PLD1: variants seen among roughly 807,000 people sequenced by gnomAD.
PLD1 encodes the protein choline phosphatase 1.
PLD1 carries 112 observed loss-of-function variants against 137.1 expected under a neutral mutation model. The observed-to-expected ratio is 0.82, with a 90% CI of 0.70 to 0.96. The LOEUF (loss-of-function observed/expected upper bound fraction) is 0.96. PLD1 is among the 40% of genes least tolerant of loss of function. The pLI is 0.00. For synonymous variants in PLD1, 431 were observed against 454.7 expected (o/e 0.95, Z 0.66); for missense variants, 1,321 against 1,342.0 (o/e 0.98, Z 0.24).
intron 1 of PLD1, among the ~76,000 whole-genome samples, chr3:171,790,308 C>CA (rs1258033515): frequency 6.6e-6 from 1 of 152,014 alleles, no homozygotes; most frequent in African/African-American, 2.4e-5. Flanking sequence ...TTGAGGAAGC[C>CA]AATTCCTTGT....
In PLD1 at chr3:171,600,528, A is replaced by T. The variant is rs1237557704; in HGVS notation, c.*2550T>A. The T allele has an allele frequency of 6.6e-6, 1 of 152,228 alleles. No homozygotes were observed. Among genetic ancestry groups the T allele is most frequent in the South Asian group, 2.1e-4 (1 of 4,834 alleles). 9.4% of individuals were successfully genotyped at this position (152,228 alleles called of 1,614,324 possible). Reference sequence around the variant, plus strand: ...AAAGTTTATCAGATATTGCAATGTTAAAGATAAATTATTTGAACTTCTAGT... The same window carrying T: ...AAAGTTTATCAGATATTGCAATGTTTAAGATAAATTATTTGAACTTCTAGT... On this transcript the variant is annotated 3_prime_UTR_variant, in exon 27 of 27. Coordinates refer to ENST00000351298, the MANE Select transcript of PLD1 (RefSeq NM_002662.5).
intron 19 of PLD1, among the ~76,000 whole-genome samples, chr3:171,673,468 A>G (rs972263854): frequency 6.6e-6 from 1 of 152,022 alleles, no homozygotes; most frequent in South Asian, 2.1e-4. Context: ...TTTAGTAGAG[A>G]CAGGGTTGGC....
intron 11 of PLD1, among the ~76,000 whole-genome samples, chr3:171,704,961 G>A (rs1399727041): frequency 6.6e-6 from 1 of 152,176 alleles, no homozygotes; most frequent in African/African-American, 2.4e-5. Flanking sequence ...TCACAATAGG[G>A]TTCATGTTCC....
chr3:171,687,360 C>T lies in PLD1; in HGVS notation c.1753+11G>A, dbSNP rs776419253. ...TAGTTAAGATAAATTCTAGTCAAGG[C>T]CATGACTTACTGGAGGTGCTGTCAA... is the stretch of plus-strand genomic sequence containing the variant. On this transcript the variant is annotated intron_variant, in intron 15 of 26. Transcript: ENST00000351298. 8.7e-6 allele frequency: 14 copies of T among 1,610,004 alleles called. No homozygotes were observed. Among genetic ancestry groups the T allele is most frequent in the Middle Eastern group, 1.6e-4 (1 of 6,076 alleles).
chr3:171,740,595 A>G (rs1719708395), intron 1 of PLD1, among the ~76,000 whole-genome samples: 1 of 152,200 alleles, frequency 6.6e-6, no homozygotes, highest in Non-Finnish European at 1.5e-5. Context: ...TGATCTTAAA[A>G]ATGCCTGTTA....
At chr3:171,698,654 A>C (rs1325131105) in intron 12 of PLD1, among the ~76,000 whole-genome samples, 1 of 152,094 alleles carries the variant, frequency 6.6e-6, no homozygotes, top group African/African-American at 2.4e-5. Context: ...TAGCATGTTT[A>C]ATGACAGAAT....
At chr3:171,687,701 C>T (rs1714722698) in intron 14 of PLD1, 117 bp from the exon 15 acceptor site, 2 of 675,504 alleles carry the variant, frequency 3.0e-6, no homozygotes, top group South Asian at 1.9e-5. Context: ...CTATAACAGA[C>T]ATGCAATAAT....
At chr3:171,676,570 C>T (rs560572082) in intron 18 of PLD1, 145 bp downstream of exon 18, 16 of 683,628 alleles carry the variant, frequency 2.3e-5, no homozygotes, top group East Asian at 5.1e-5. Context: ...CCCAGGCACC[C>T]GGACATCAAT....
intron 1 of PLD1, chr3:171,809,115 G>C (rs1345559912): frequency 6.6e-6 from 1 of 152,072 alleles, no homozygotes; most frequent in Non-Finnish European, 1.5e-5. Flanking sequence ...GTGAGTCACC[G>C]CGCCCAGGCA....
At chr3:171,636,521 T>C (rs758799143) in intron 23 of PLD1, among the ~76,000 whole-genome samples, 3 of 152,166 alleles carry the variant, frequency 2.0e-5, no homozygotes, top group Non-Finnish European at 4.4e-5. Flanking sequence ...TTTAATTCTT[T>C]TGATGCTATT....
chr3:171,776,314 C>T (rs1222143991), intron 1 of PLD1, among the ~76,000 whole-genome samples: 1 of 152,196 alleles, frequency 6.6e-6, no homozygotes, highest in Non-Finnish European at 1.5e-5. Context: ...AGAACCTGAT[C>T]GCAAGAGGTG....
chr3:171,654,235 G>A (rs1160296090), intron 21 of PLD1: 1 of 298,678 alleles, frequency 3.3e-6, no homozygotes, highest in Non-Finnish European at 6.7e-6. Context: ...CCCGGGAGAT[G>A]GAGGTTGCAG....
At chr3:171,697,815 G>T (rs542621393) in intron 12 of PLD1, among the ~76,000 whole-genome samples, 3 of 152,032 alleles carry the variant, frequency 2.0e-5, no homozygotes, top group Non-Finnish European at 2.9e-5. Context: ...CCATTAAATC[G>T]GGGCATTGTT....
intron 21 of PLD1, among the ~76,000 whole-genome samples, chr3:171,654,977 ATTG>A (rs1021958044): frequency 6.6e-6 from 1 of 152,106 alleles, no homozygotes; most frequent in African/African-American, 2.4e-5. Context: ...GCTTAGGGGA[ATTG>A]TTGTGAGGCT....
At chr3:171,808,972 G>C (rs1431658226) in intron 1 of PLD1, among the ~76,000 whole-genome samples, 1 of 151,900 alleles carries the variant, frequency 6.6e-6, no homozygotes, top group Non-Finnish European at 1.5e-5. Flanking sequence ...TTACAGGCGT[G>C]TGCCACCACG....
chr3:171,701,582 T>C (rs940338565), intron 11 of PLD1, among the ~76,000 whole-genome samples: 5 of 152,236 alleles, frequency 3.3e-5, no homozygotes, highest in African/African-American at 1.2e-4. Context: ...TACAAGATAC[T>C]TTGAAGAATC....
At chr3:171,629,539 G>C (rs1734466997) in intron 23 of PLD1, among the ~76,000 whole-genome samples, 1 of 152,150 alleles carries the variant, frequency 6.6e-6, no homozygotes, top group African/African-American at 2.4e-5. Flanking sequence ...AACCAAAAAA[G>C]AGCCCGCATT....
chr3:171,682,175 AAAGAAAGAAAGAAAGG>A, intron 16 of PLD1, among the ~76,000 whole-genome samples: 1 of 143,598 alleles, frequency 7.0e-6, no homozygotes, highest in Admixed American at 6.9e-5. Flanking sequence ...AAAAAGAAAG[AAAGAAAGAAAGAAAGG>A]GAATAAAATT....
chr3:171,809,720 A>G (rs188130814), intron 1 of PLD1: 11 of 152,412 alleles, frequency 7.2e-5, no homozygotes, highest in East Asian at 3.9e-4. Flanking sequence ...ACAAAATCCT[A>G]TGGAAGGCTT....
Sources: allele counts gnomAD v4.1 joint callset (sites outside exome capture counted in the v4.1 genomes callset), GRCh38; gene constraint gnomAD v4.1.1; transcripts MANE v1.5; gene names NCBI Gene and HGNC (gene_info 2026-07-23, HGNC 2026-07-21).